HK1: variants seen among roughly 807,000 people sequenced by gnomAD.
The protein encoded by HK1 is hexokinase-1.
HK1 carries 28 observed loss-of-function variants against 91.6 expected under a neutral mutation model. That is an observed-to-expected ratio of 0.31 (90% CI 0.23 to 0.42). The LOEUF (loss-of-function observed/expected upper bound fraction) is 0.42. HK1 is among the 10% of genes least tolerant of loss of function. The probability of loss-of-function intolerance (pLI) is 1.00; values close to 1 mark genes in which losing one functional copy is unlikely to be tolerated. For missense variants in HK1, 770 were observed against 1,219.8 expected, an observed-to-expected ratio of 0.63 and a Z score of 5.49; for synonymous variants, 430 against 468.1, an observed-to-expected ratio of 0.92 and a Z score of 1.05.
At chr10:69,382,113 GGCACAGTGGCCCATGCCTGTAATCCCA>G (rs1259300182) in intron 9 of HK1, among the ~76,000 whole-genome samples, 6 of 152,214 alleles carry the variant, frequency 3.9e-5, no homozygotes, top group Non-Finnish European at 5.9e-5. Context: ...AATTAGGCTG[GGCACAGTGGCCCATGCCTGTAATCCCA>G]GCACTTGGGA....
chr10:69,280,227 T>A (rs2132425316), intron 1 of HK1, among the ~76,000 whole-genome samples: 1 of 152,232 alleles, frequency 6.6e-6, no homozygotes, highest in Middle Eastern at 3.4e-3. Flanking sequence ...TTCTCCTGCC[T>A]CAGCCTCCCA....
chr10:69,387,542 C>T (rs376188568), intron 13 of HK1, among the ~76,000 whole-genome samples: 2 of 79,508 alleles, frequency 2.5e-5, no homozygotes, highest in Non-Finnish European at 6.8e-5. Flanking sequence ...TCGCCTTGGC[C>T]TCCAAAGTGT....
intron 1 of HK1, among the ~76,000 whole-genome samples, chr10:69,328,871 T>A (rs1236162079): frequency 1.3e-5 from 2 of 152,136 alleles, no homozygotes; most frequent in Non-Finnish European, 2.9e-5. Flanking sequence ...TGGATTTGCC[T>A]CTTATGGACA....
chr10:69,299,994 C>T (rs1161869991), intron 4 of HK1, among the ~76,000 whole-genome samples: 1 of 150,494 alleles, frequency 6.6e-6, no homozygotes. Flanking sequence ...GAGACAGGGT[C>T]TTGCCATGTT....
At chr10:69,317,466 G>C (rs906389090), upstream of HK1, among the ~76,000 whole-genome samples, 1 of 152,168 alleles carries the variant, frequency 6.6e-6, no homozygotes, top group Admixed American at 6.5e-5. Flanking sequence ...CTGAACCTAC[G>C]TCATCCCTCC....
Position 69,300,826 on chromosome 10 carries a change from C to T in HK1, c.-9C>T, listed in dbSNP as rs117317495. The T allele has an allele frequency of 1.5e-4, 234 of 1,608,856 alleles. 2 individuals carry two copies. In the East Asian group the frequency reaches 5.0e-3, roughly 34 times the overall value. Reference sequence around the variant, plus strand: ...ACATTAATGTGCACCACTGTGGTGGCGTGGAAAGATGGCAAAAAGAGCCCT... The same window carrying T: ...ACATTAATGTGCACCACTGTGGTGGTGTGGAAAGATGGCAAAAAGAGCCCT... On this transcript the variant is annotated 5_prime_UTR_variant, in exon 5 of 22. Coordinates refer to the HK1 transcript ENST00000360289.
chr10:69,275,453 T>C (rs1844392209), intron 1 of HK1, among the ~76,000 whole-genome samples: 1 of 152,146 alleles, frequency 6.6e-6, no homozygotes, highest in Non-Finnish European at 1.5e-5. Context: ...AATTTGATCA[T>C]TTTGTTAATT....
chr10:69,365,919 C>T (rs1385830261), intron 4 of HK1, among the ~76,000 whole-genome samples: 1 of 152,134 alleles, frequency 6.6e-6, no homozygotes, highest in Non-Finnish European at 1.5e-5. Flanking sequence ...GCAACCTCCA[C>T]CTCCCAGGTT....
At chr10:69,284,554 G>T (rs12259682) in intron 2 of HK1, among the ~76,000 whole-genome samples, 1 of 152,080 alleles carries the variant, frequency 6.6e-6, no homozygotes, top group African/African-American at 2.4e-5. Flanking sequence ...TGGCTCACTC[G>T]TGTAATCCCA....
At chr10:69,298,232 A>AC (rs1184345692) in intron 4 of HK1, among the ~76,000 whole-genome samples, 1 of 151,796 alleles carries the variant, frequency 6.6e-6, no homozygotes, top group African/African-American at 2.4e-5. Flanking sequence ...AGAAAAAAAA[A>AC]GAATTGCTTG....
chr10:69,278,244 TG>T (rs1225737839), intron 1 of HK1, among the ~76,000 whole-genome samples: 1 of 152,216 alleles, frequency 6.6e-6, no homozygotes, highest in African/African-American at 2.4e-5. Context: ...CTGAAGCACT[TG>T]CTGTAAAGCA....
In HK1 at chr10:69,369,306, G is replaced by A. The variant is rs774763877; in HGVS notation, c.661G>A (p.Asp221Asn). Reference sequence around the variant, plus strand: ...CACCATGATGACCTGTGGCTATGACGACCAGCACTGTGAAGTCGGCCTGAT... The same window carrying A: ...CACCATGATGACCTGTGGCTATGACAACCAGCACTGTGAAGTCGGCCTGAT... ...VGTMMTCGYDDQHCEVGLIIG... is the reference protein window; with the variant it reads ...VGTMMTCGYDNQHCEVGLIIG... Residue 221 changes from aspartate (D) to asparagine (N), a missense_variant, in exon 6 of 18, where the codon GAC (aspartate) becomes AAC (asparagine). Physicochemically the swap from Asp to Asn is conservative, Grantham distance 23. Coordinates refer to ENST00000359426, the MANE Select transcript of HK1 (RefSeq NM_000188.3). The surrounding 1 kb of genome is among the most constrained non-coding windows in gnomAD (Gnocchi z 4.4). The A allele has an allele frequency of 1.2e-6, 2 of 1,614,164 alleles. No individual in the cohort carries two copies. Among genetic ancestry groups the A allele is most frequent in the Non-Finnish European group, 1.7e-6 (2 of 1,179,994 alleles).
At chr10:69,374,672 G>A (rs1374649681) in intron 7 of HK1, among the ~76,000 whole-genome samples, 3 of 152,238 alleles carry the variant, frequency 2.0e-5, no homozygotes, top group African/African-American at 7.2e-5. Context: ...TTTAGGGACT[G>A]GGAAAGGACA....
chr10:69,383,897 G>T (rs1839510277), intron 10 of HK1, among the ~76,000 whole-genome samples: 1 of 152,254 alleles, frequency 6.6e-6, no homozygotes, highest in Non-Finnish European at 1.5e-5. Flanking sequence ...CAATCCTAGG[G>T]CTGGGCTAGA....
chr10:69,276,138 T>TATATATAC (rs753204633), intron 1 of HK1, among the ~76,000 whole-genome samples: 771 of 76,264 alleles, frequency 0.01, 39 homozygotes, highest in Non-Finnish European at 0.011. Context: ...TATATATATA[T>TATATATAC]ACACATATAT....
chr10:69,363,705 A>T (rs977739700), intron 3 of HK1, among the ~76,000 whole-genome samples: 1 of 152,168 alleles, frequency 6.6e-6, no homozygotes, highest in Non-Finnish European at 1.5e-5. Context: ...GATGAAGGGA[A>T]TTATTAGAGA....
At chr10:69,315,224 T>C (rs1311476318), upstream of HK1, among the ~76,000 whole-genome samples, 4 of 152,212 alleles carry the variant, frequency 2.6e-5, no homozygotes, top group East Asian at 5.8e-4. Flanking sequence ...TATGTAAACA[T>C]TGCTATTCAG....
At position 69,298,938 on chromosome 10, in the gene HK1, C is replaced by CTTTA. The variant is rs535401356; in HGVS notation, c.-66-1819_-66-1816dup. Among the ~76,000 whole-genome samples, 16 of 151,042 alleles carry CTTTA rather than the reference C, an allele frequency of 1.1e-4. No individual in the cohort carries two copies. The South Asian group carries it at 3.1e-3, about 30-fold the overall frequency. ...ATTTTAAAATAGTTCATCTTTATCTCTTTATTTATTTATTTTTTGGAAACA... is the reference window on the plus strand; with the variant it reads ...ATTTTAAAATAGTTCATCTTTATCTCTTTATTTATTTATTTATTTTTTGGAAACA... On this transcript the variant is annotated intron_variant, in intron 4 of 21. Transcript: ENST00000360289.
At chr10:69,361,568 A>G (rs1387741544) in intron 3 of HK1, among the ~76,000 whole-genome samples, 2 of 152,182 alleles carry the variant, frequency 1.3e-5, no homozygotes, top group African/African-American at 4.8e-5. Flanking sequence ...TGTGTGTTTT[A>G]CAAACATTCC....
Sources: allele counts gnomAD v4.1 joint callset (sites outside exome capture counted in the v4.1 genomes callset), GRCh38; gene constraint gnomAD v4.1.1; non-coding constraint Gnocchi (gnomAD v3.1); transcripts MANE v1.5; gene names NCBI Gene and HGNC (gene_info 2026-07-23, HGNC 2026-07-21).